The following PHC2 variants were observed in gnomAD, a reference collection of about 807,000 sequenced individuals.
PHC2 encodes polyhomeotic homolog 2.
In PHC2, 29 loss-of-function variants were observed where a neutral mutation model predicts 87.4. That is an observed-to-expected ratio of 0.33 (90% CI 0.25 to 0.45). The LOEUF is 0.45. Ranked by LOEUF, PHC2 falls within the 20% of genes least tolerant of loss-of-function variation. The pLI is 1.00. For synonymous variants in PHC2, 438 were observed against 461.7 expected (o/e 0.95, Z 0.66); for missense variants, 857 against 1,136.7 (o/e 0.75, Z 3.54).
At position 33,349,099 on chromosome 1, in the gene PHC2, A is replaced by G; in HGVS notation, c.1558+5302T>C. 1 of 985,346 alleles carries G rather than the reference A, an allele frequency of 1.0e-6. No homozygotes were observed. Among genetic ancestry groups the G allele is most frequent in the Non-Finnish European group, 1.2e-6 (1 of 829,810 alleles). 61.0% of individuals were successfully genotyped at this position (985,346 alleles called of 1,614,324 possible). A position where few individuals can be genotyped will look rare whatever the true frequency, so the allele number is the denominator to read the frequency against. On this transcript the variant is annotated intron_variant, in intron 9 of 14. Transcript: ENST00000683057. The surrounding 1 kb of genome is among the most constrained non-coding windows in gnomAD (Gnocchi z 4.2). Reference sequence around the variant, plus strand: ...GAGAAAACGCTCTTCTAAAAATGGAAGAAAAGACACAGAACAGCTTGTCCC... The same window carrying G: ...GAGAAAACGCTCTTCTAAAAATGGAGGAAAAGACACAGAACAGCTTGTCCC...
chr1:33,386,468 G>A (rs1223855989), intron 1 of PHC2, among the ~76,000 whole-genome samples: 4 of 151,842 alleles, frequency 2.6e-5, no homozygotes, highest in African/African-American at 7.3e-5. Context: ...GCAGTGAGCC[G>A]AGACCATGAC....
At chr1:33,327,873 G>A (rs542476866) in intron 14 of PHC2, among the ~76,000 whole-genome samples, 5 of 152,228 alleles carry the variant, frequency 3.3e-5, no homozygotes, top group Admixed American at 1.3e-4. Flanking sequence ...AATCTTAATT[G>A]TAACCTCATA....
At chr1:33,370,915 A>G (rs1248985503) in intron 4 of PHC2, 102 bp downstream of exon 4, 5 of 947,190 alleles carry the variant, frequency 5.3e-6, no homozygotes, top group Non-Finnish European at 8.6e-6. Flanking sequence ...GATTCCAGCC[A>G]TGATGCTACA....
chr1:33,424,364 A>G (rs1246942812), intron 1 of PHC2, among the ~76,000 whole-genome samples: 1 of 152,300 alleles, frequency 6.6e-6, no homozygotes, highest in East Asian at 1.9e-4. Flanking sequence ...CATTAGAAAG[A>G]GAACAGAGAA....
chr1:33,358,584 T>G (rs1647136748), intron 7 of PHC2, among the ~76,000 whole-genome samples: 1 of 152,216 alleles, frequency 6.6e-6, no homozygotes. Context: ...CTTCTCTCTG[T>G]AATCCAGCTT....
At chr1:33,374,525 C>G (rs1648048499) in intron 2 of PHC2, among the ~76,000 whole-genome samples, 1 of 152,158 alleles carries the variant, frequency 6.6e-6, no homozygotes, top group African/African-American at 2.4e-5. Flanking sequence ...TTCAGGCCCT[C>G]TTACTGTCTG....
At chr1:33,393,882 T>C (rs1225089029) in intron 1 of PHC2, among the ~76,000 whole-genome samples, 1 of 152,212 alleles carries the variant, frequency 6.6e-6, no homozygotes, top group African/African-American at 2.4e-5. Context: ...GAGGTAATTA[T>C]ACTCGAATCA....
intron 1 of PHC2, among the ~76,000 whole-genome samples, chr1:33,430,398 C>G (rs1650858429): frequency 6.6e-6 from 1 of 152,210 alleles, no homozygotes; most frequent in Non-Finnish European, 1.5e-5. Flanking sequence ...GCTGGTGCCC[C>G]CCACGCCACG....
In PHC2 at chr1:33,371,452, A is replaced by G. The variant is rs534589785; in HGVS notation, c.334-358T>C. ...GCCACCACCATCACACCTGGCCACC[A>G]CCATCACACCCAGCCACCACCATCA... On this transcript the variant is annotated intron_variant, in intron 3 of 14. Coordinates refer to ENST00000683057, the MANE Select transcript of PHC2 (RefSeq NM_001385109.1). Among the ~76,000 whole-genome samples the G allele has an allele frequency of 8.6e-5, 13 of 150,620 alleles. No individual in the cohort carries two copies. In the South Asian group the frequency reaches 2.1e-3, roughly 25 times the overall value.
In PHC2 at chr1:33,356,281, A is replaced by ATATATATG. The variant is rs1553185702; in HGVS notation, c.977-1029_977-1028insCATATATA. Among the ~76,000 whole-genome samples the ATATATATG allele has an allele frequency of 1.8e-4, 24 of 136,412 alleles. 1 individual carries two copies. Among genetic ancestry groups the ATATATATG allele is most frequent in the Non-Finnish European group, 1.5e-4 (10 of 65,066 alleles). 89.5% of individuals were successfully genotyped at this position (136,412 alleles called of 152,430 possible). On this transcript the variant is annotated intron_variant, in intron 7 of 14. Coordinates refer to ENST00000683057, the MANE Select transcript of PHC2 (RefSeq NM_001385109.1). ...TATATATATATATATATATATGTAT[A>ATATATATG]TATATATATATATTTATTTATTTAG...
Position 33,356,327 on chromosome 1 carries a change from G to A in PHC2, c.977-1074C>T, listed in dbSNP as rs1033596008. ...TTTAGTATTTATTGATCATTCTTGGGTGTTTCTCGGAGAGGGGGATTTGGC... is the reference window on the plus strand; with the variant it reads ...TTTAGTATTTATTGATCATTCTTGGATGTTTCTCGGAGAGGGGGATTTGGC... On this transcript the variant is annotated intron_variant, in intron 7 of 14. Coordinates refer to ENST00000683057, the MANE Select transcript of PHC2 (RefSeq NM_001385109.1). Among the ~76,000 whole-genome samples the A allele has an allele frequency of 2.3e-5, 3 of 132,168 alleles. 1 individual carries two copies. Among genetic ancestry groups the A allele is most frequent in the South Asian group, 5.3e-4 (2 of 3,782 alleles). 86.7% of individuals were successfully genotyped at this position (132,168 alleles called of 152,430 possible). A position where few individuals can be genotyped will look rare whatever the true frequency, so the allele number is the denominator to read the frequency against.
intron 1 of PHC2, among the ~76,000 whole-genome samples, chr1:33,410,170 T>C (rs1649925363): frequency 6.6e-6 from 1 of 152,226 alleles, no homozygotes; most frequent in East Asian, 1.9e-4. Flanking sequence ...CCAGTTCAAT[T>C]TGTATTAATC....
At chr1:33,342,640 C>T (rs564305929) in intron 9 of PHC2, among the ~76,000 whole-genome samples, 1 of 152,230 alleles carries the variant, frequency 6.6e-6, no homozygotes, top group East Asian at 1.9e-4. Flanking sequence ...AACTCAGCAG[C>T]AGCACCTGCA....
At position 33,349,057 on chromosome 1, in the gene PHC2, A is replaced by T. The variant is rs1339114393; in HGVS notation, c.1558+5344T>A. On this transcript the variant is annotated intron_variant, in intron 9 of 14. Coordinates refer to ENST00000683057, the MANE Select transcript of PHC2 (RefSeq NM_001385109.1). The surrounding 1 kb of genome is among the most constrained non-coding windows in gnomAD (Gnocchi z 4.2). ...GAAGCAACAAATATAGTCTACCTTC[A>T]TTTGGCATAGGAAGGAGAGAAAACG... The T allele has an allele frequency of 5.1e-6, 5 of 983,244 alleles. No homozygotes were observed. The Admixed American group carries it at 3.1e-4, about 60-fold the overall frequency. The allele number at this position is 983,244 out of a possible 1,614,324, so 60.9% of individuals were successfully genotyped here. A position where few individuals can be genotyped will look rare whatever the true frequency, so the allele number is the denominator to read the frequency against.
intron 1 of PHC2, among the ~76,000 whole-genome samples, chr1:33,425,520 A>C (rs1570518214): frequency 6.6e-6 from 1 of 152,366 alleles, no homozygotes. Flanking sequence ...CAATTATAAC[A>C]ATGTGGTAAA....
chr1:33,349,888 C>T lies in PHC2; in HGVS notation c.1558+4513G>A. 1 of 975,578 alleles carries T rather than the reference C, an allele frequency of 1.0e-6. No individual in the cohort carries two copies. The highest frequency in any genetic ancestry group is 1.2e-6 in the Non-Finnish European group (1 of 825,536). The allele number at this position is 975,578 out of a possible 1,614,324, so 60.4% of individuals were successfully genotyped here. A position where few individuals can be genotyped will look rare whatever the true frequency, so the allele number is the denominator to read the frequency against. On this transcript the variant is annotated intron_variant, in intron 9 of 14. Coordinates refer to ENST00000683057, the MANE Select transcript of PHC2 (RefSeq NM_001385109.1). The surrounding 1 kb of genome is among the most constrained non-coding windows in gnomAD (Gnocchi z 4.2). ...GGGCGCTCGAGGGCTGCAGCCGCCGCGGAGACAATGCGGCGAGTCTGGGAC... is the reference window on the plus strand; with the variant it reads ...GGGCGCTCGAGGGCTGCAGCCGCCGTGGAGACAATGCGGCGAGTCTGGGAC...
At chr1:33,420,605 G>T (rs1557849707) in intron 1 of PHC2, among the ~76,000 whole-genome samples, 1 of 152,028 alleles carries the variant, frequency 6.6e-6, no homozygotes, top group Non-Finnish European at 1.5e-5. Flanking sequence ...ACTCGGACAA[G>T]TTATTTCACC....
chr1:33,349,428 A>G lies in PHC2; in HGVS notation c.1558+4973T>C. The G allele has an allele frequency of 3.0e-6, 3 of 985,206 alleles. No homozygotes were observed. The highest frequency in any genetic ancestry group is 3.6e-6 in the Non-Finnish European group (3 of 829,866). 61.0% of individuals were successfully genotyped at this position (985,206 alleles called of 1,614,324 possible). On this transcript the variant is annotated intron_variant, in intron 9 of 14. Transcript: ENST00000683057. The surrounding 1 kb of genome is among the most constrained non-coding windows in gnomAD (Gnocchi z 4.2). ...CCCCAGGCGAGCGAGGCTGGGGAGC[A>G]GGGCACCTCCCAGGCGCCGCGCGGA...
At chr1:33,412,408 G>A (rs930945516) in intron 1 of PHC2, among the ~76,000 whole-genome samples, 19 of 152,146 alleles carry the variant, frequency 1.2e-4, no homozygotes, top group Non-Finnish European at 1.9e-4. Context: ...ACACACGTGC[G>A]TGCGCGTGCA....
Sources: allele counts gnomAD v4.1 joint callset (sites outside exome capture counted in the v4.1 genomes callset), GRCh38; gene constraint gnomAD v4.1.1; non-coding constraint Gnocchi (gnomAD v3.1); transcripts MANE v1.5; gene names NCBI Gene and HGNC (gene_info 2026-07-23, HGNC 2026-07-21).